RANBP17: variants seen among roughly 807,000 people sequenced by gnomAD.
RANBP17 encodes RAN binding protein 17.
In RANBP17, 158 loss-of-function variants were observed where a neutral mutation model predicts 141.2. That is an observed-to-expected ratio of 1.12 (90% CI 0.98 to 1.28). The LOEUF (loss-of-function observed/expected upper bound fraction) is 1.28, where lower values mean the gene tolerates loss of function less well. Among genes scored for constraint, RANBP17 ranks in the 50% most tolerant of loss-of-function variants. The probability of loss-of-function intolerance (pLI) is 0.00; values close to 1 mark genes in which losing one functional copy is unlikely to be tolerated. For synonymous variants in RANBP17, 430 were observed against 450.0 expected (o/e 0.96, Z 0.56); for missense variants, 1,438 against 1,290.7 (o/e 1.11, Z -1.75).
intron 14 of RANBP17, among the ~76,000 whole-genome samples, chr5:171,103,443 C>A (rs1425275682): frequency 6.6e-6 from 1 of 152,058 alleles, no homozygotes; most frequent in Non-Finnish European, 1.5e-5. Context: ...TGGTGGATTC[C>A]CCTCCCCCCA....
chr5:171,002,344 A>ATGCTAGC (rs1779270673), intron 14 of RANBP17, among the ~76,000 whole-genome samples: 1 of 152,096 alleles, frequency 6.6e-6, no homozygotes, highest in African/African-American at 2.4e-5. Flanking sequence ...AGAAGTTGGA[A>ATGCTAGC]TGCTAGCTGC....
chr5:171,170,770 G>C (rs1195369939), intron 15 of RANBP17, among the ~76,000 whole-genome samples: 1 of 152,056 alleles, frequency 6.6e-6, no homozygotes. Flanking sequence ...AAACAACACT[G>C]TCTTGATTGC....
intron 16 of RANBP17, among the ~76,000 whole-genome samples, chr5:171,178,684 T>G (rs572215213): frequency 2.0e-5 from 3 of 152,306 alleles, no homozygotes; most frequent in Non-Finnish European, 2.9e-5. Context: ...CAGCATCTGT[T>G]GTTTCCTGAC....
intron 24 of RANBP17, among the ~76,000 whole-genome samples, chr5:171,253,356 A>G (rs1478851008): frequency 1.3e-5 from 2 of 152,196 alleles, no homozygotes; most frequent in Non-Finnish European, 2.9e-5. Context: ...TGCTGTACTG[A>G]TAAGGAGATG....
At position 170,898,141 on chromosome 5, in the gene RANBP17, G is replaced by T. The variant is rs968267412; in HGVS notation, c.489+2026G>T. Among the ~76,000 whole-genome samples the T allele has an allele frequency of 5.9e-5, 9 of 152,138 alleles. No homozygotes were observed. In the East Asian group the frequency reaches 1.7e-3, roughly 29 times the overall value. On this transcript the variant is annotated intron_variant, in intron 5 of 27. Coordinates refer to ENST00000523189, the MANE Select transcript of RANBP17 (RefSeq NM_022897.5). ...TTGCAGTCTTGCTTTATGAATCTGG[G>T]TGCCTCTGTATTAGGTGCATATATA...
intron 14 of RANBP17, among the ~76,000 whole-genome samples, chr5:171,136,930 T>G (rs917861665): frequency 1.3e-5 from 2 of 152,176 alleles, no homozygotes; most frequent in Admixed American, 6.5e-5. Context: ...CTCTCAGTTT[T>G]TGTCTAGATC....
intron 12 of RANBP17, among the ~76,000 whole-genome samples, chr5:170,946,624 A>G (rs1208299756): frequency 6.6e-6 from 1 of 152,162 alleles, no homozygotes; most frequent in African/African-American, 2.4e-5. Context: ...TAACCAACAC[A>G]TGACCTTTTT....
intron 12 of RANBP17, among the ~76,000 whole-genome samples, chr5:170,948,130 G>T (rs1774910230): frequency 6.6e-6 from 1 of 152,118 alleles, no homozygotes; most frequent in Admixed American, 6.6e-5. Context: ...TCTTTCCCCA[G>T]TTATATTAAA....
chr5:171,009,855 A>T (rs1055740896), intron 14 of RANBP17, among the ~76,000 whole-genome samples: 2 of 152,206 alleles, frequency 1.3e-5, no homozygotes, highest in African/African-American at 2.4e-5. Context: ...GAGAGTGATC[A>T]AAAGTAGGTA....
In RANBP17 at chr5:170,955,669, T is replaced by C. The variant is rs1211969110; in HGVS notation, c.1574+1967T>C. Reference sequence around the variant, plus strand: ...CAGTGTATATATATATATATATATATATATATATATATACACTGAATGAAC... The same window carrying C: ...CAGTGTATATATATATATATATATACATATATATATATACACTGAATGAAC... On this transcript the variant is annotated intron_variant, in intron 13 of 27. Transcript: ENST00000523189. Among the ~76,000 whole-genome samples, 74 of 66,644 alleles carry C rather than the reference T, an allele frequency of 1.1e-3. 14 individuals are homozygous for C. The highest frequency in any genetic ancestry group is 1.4e-3 in the Non-Finnish European group (47 of 32,424). The allele number at this position is 66,644 out of a possible 152,430, so 43.7% of individuals were successfully genotyped here.
chr5:171,056,883 G>A (rs558931896), intron 14 of RANBP17, among the ~76,000 whole-genome samples: 1 of 152,172 alleles, frequency 6.6e-6, no homozygotes, highest in East Asian at 1.9e-4. Flanking sequence ...CAACCAATCG[G>A]TCTCTTTTCT....
chr5:171,252,057 A>T, intron 24 of RANBP17: 4 of 1,604,056 alleles, frequency 2.5e-6, no homozygotes, highest in Non-Finnish European at 3.4e-6. Flanking sequence ...GCCTTCTTAC[A>T]TGCTTAGCAG....
chr5:170,863,075 A>G (rs1421164203), intron 1 of RANBP17, among the ~76,000 whole-genome samples: 1 of 152,192 alleles, frequency 6.6e-6, no homozygotes, highest in African/African-American at 2.4e-5. Flanking sequence ...AAGATACAAC[A>G]GCTCTGAACA....
chr5:171,009,240 A>T (rs942337271), intron 14 of RANBP17, among the ~76,000 whole-genome samples: 2 of 152,198 alleles, frequency 1.3e-5, no homozygotes, highest in Non-Finnish European at 2.9e-5. Flanking sequence ...ACTTTTCTGC[A>T]TGTCAGTTTC....
chr5:171,104,523 T>G (rs938057835), intron 14 of RANBP17, among the ~76,000 whole-genome samples: 1 of 152,218 alleles, frequency 6.6e-6, no homozygotes, highest in Non-Finnish European at 1.5e-5. Flanking sequence ...CATCAATGGT[T>G]GAGTAACAGT....
At chr5:170,979,766 G>A (rs1340957574) in intron 14 of RANBP17, among the ~76,000 whole-genome samples, 1 of 152,158 alleles carries the variant, frequency 6.6e-6, no homozygotes, top group Non-Finnish European at 1.5e-5. Flanking sequence ...TTTGTAAATT[G>A]CCCAGTTTCA....
At chr5:170,915,562 A>AG in intron 8 of RANBP17, among the ~76,000 whole-genome samples, 1 of 152,142 alleles carries the variant, frequency 6.6e-6, no homozygotes, top group East Asian at 1.9e-4. Context: ...TTCTCATGGT[A>AG]GGGGCTGTGG....
At chr5:170,895,820 C>T (rs926944923) in intron 4 of RANBP17, among the ~76,000 whole-genome samples, 1 of 152,100 alleles carries the variant, frequency 6.6e-6, no homozygotes. Flanking sequence ...GGAGCTTTTT[C>T]CCATTTAGCT....
intron 5 of RANBP17, among the ~76,000 whole-genome samples, chr5:170,908,142 T>A (rs914774500): frequency 4.6e-5 from 7 of 151,928 alleles, no homozygotes; most frequent in African/African-American, 1.7e-4. Context: ...AAAACAGAAC[T>A]ACTATTCAAC....
Sources: gnomAD v4.1 joint callset for allele counts (sites outside exome capture counted in the v4.1 genomes callset) on GRCh38, gnomAD v4.1.1 for gene constraint, MANE v1.5 for transcripts, NCBI Gene and HGNC (gene_info 2026-07-23, HGNC 2026-07-21) for gene names.